The following LINGO3 variants were observed in gnomAD, a reference collection of about 807,000 sequenced individuals.
LINGO3 encodes leucine rich repeat and Ig domain containing 3.
For missense variants in LINGO3, 750 were observed against 867.7 expected (o/e 0.86, Z 1.70); for synonymous variants, 427 against 444.2 (o/e 0.96, Z 0.49).
chr19:2,303,945 T>G, the LINGO3 span, among the ~76,000 whole-genome samples: 2 of 152,208 alleles, frequency 1.3e-5, no homozygotes, highest in Non-Finnish European at 2.9e-5. Context: ...TCTCTGAGCC[T>G]CAGTTTCCTC....
At chr19:2,295,267 G>A (rs367686527), upstream of LINGO3, among the ~76,000 whole-genome samples, 7 of 152,110 alleles carry the variant, frequency 4.6e-5, no homozygotes, top group East Asian at 9.6e-4. Context: ...CACAGGCAAC[G>A]GCCAAGTCAC....
chr19:2,308,143 G>A, the LINGO3 span, among the ~76,000 whole-genome samples: 1 of 20,734 alleles, frequency 4.8e-5, no homozygotes, highest in Middle Eastern at 0.042. Context: ...GACACGAGCA[G>A]CCGCCGCCGC....
the LINGO3 span, among the ~76,000 whole-genome samples, chr19:2,298,333 C>T: frequency 2.0e-5 from 3 of 149,924 alleles, no homozygotes; most frequent in East Asian, 2.0e-4. Flanking sequence ...CCAGCTCAAG[C>T]GATCCTCCCA....
chr19:2,291,663 C>T, exon 1 of LINGO3: 1 of 1,391,238 alleles, frequency 7.2e-7, no homozygotes, highest in Non-Finnish European at 9.2e-7. Context: ...GCGTGCAGGC[C>T]ACCGCGCGGG....
the LINGO3 span, among the ~76,000 whole-genome samples, chr19:2,297,083 C>T: frequency 1.3e-5 from 2 of 151,314 alleles, no homozygotes; most frequent in South Asian, 4.2e-4. Flanking sequence ...CAGAGCGAGA[C>T]TCCGTCTCAA....
the LINGO3 span, among the ~76,000 whole-genome samples, chr19:2,297,419 T>C: frequency 9.3e-5 from 14 of 150,128 alleles, no homozygotes; most frequent in Non-Finnish European, 1.5e-4. Flanking sequence ...ATTCTCCTGC[T>C]TCAGCCTCCC....
upstream of LINGO3, among the ~76,000 whole-genome samples, chr19:2,293,087 C>T (rs145660614): frequency 0.012 from 1,411 of 121,186 alleles, 22 homozygotes; most frequent in African/African-American, 0.064. Context: ...CTTTTTGAGA[C>T]GGAGTCTTGC....
chr19:2,303,003 T>C, the LINGO3 span, among the ~76,000 whole-genome samples: 1 of 152,242 alleles, frequency 6.6e-6, no homozygotes, highest in Non-Finnish European at 1.5e-5. Context: ...GCACGGCGCA[T>C]CCACGCCCTG....
the LINGO3 span, among the ~76,000 whole-genome samples, chr19:2,297,520 G>A: frequency 2.0e-5 from 3 of 150,690 alleles, no homozygotes; most frequent in Non-Finnish European, 2.9e-5. Flanking sequence ...GGCCAGGATG[G>A]TCTCGATCTC....
At chr19:2,299,185 C>T in the LINGO3 span, among the ~76,000 whole-genome samples, 13 of 152,182 alleles carry the variant, frequency 8.5e-5, no homozygotes, top group African/African-American at 2.2e-4. Flanking sequence ...CCCCACTCGA[C>T]GGCCTGGCCC....
Position 2,291,078 on chromosome 19 carries a change from C to G in LINGO3, c.699G>C (p.Pro233=), listed in dbSNP as rs551401262. The change falls in exon 1 of 1, where the codon CCG becomes CCC. Residue 233 remains proline (P), a synonymous_variant. Transcript: ENST00000585527. ...TGCCCGCCGCCACCTCCTCCAGCAGCGGCCAGTTGTCAATCTCCAGGTGCA... is the reference window on the plus strand; with the variant it reads ...TGCCCGCCGCCACCTCCTCCAGCAGGGGCCAGTTGTCAATCTCCAGGTGCA... 36 of 1,609,926 alleles carry G rather than the reference C, an allele frequency of 2.2e-5. No homozygotes were observed. In the East Asian group the frequency reaches 7.4e-4, roughly 33 times the overall value.
the LINGO3 span, among the ~76,000 whole-genome samples, chr19:2,306,589 C>G: frequency 6.6e-6 from 1 of 152,226 alleles, no homozygotes; most frequent in Non-Finnish European, 1.5e-5. Context: ...ACCATCGTGA[C>G]CTGAGCATCT....
chr19:2,305,848 C>T, the LINGO3 span, among the ~76,000 whole-genome samples: 1 of 152,214 alleles, frequency 6.6e-6, no homozygotes, highest in African/African-American at 2.4e-5. Flanking sequence ...CCTCACAGCA[C>T]GTGGCCCTCC....
exon 1 of LINGO3, chr19:2,291,996 G>A (rs2025529772): frequency 7.1e-6 from 4 of 563,720 alleles, no homozygotes; most frequent in Non-Finnish European, 1.3e-5. Context: ...AGACCAGCCT[G>A]CACAACATAG....
upstream of LINGO3, among the ~76,000 whole-genome samples, chr19:2,293,844 G>A (rs1457635778): frequency 2.0e-5 from 3 of 151,794 alleles, no homozygotes; most frequent in African/African-American, 7.3e-5. Flanking sequence ...CCTGAGGTCA[G>A]GAGTTCGAGA....
downstream of LINGO3, among the ~76,000 whole-genome samples, chr19:2,288,245 C>T (rs2025483523): frequency 6.6e-6 from 1 of 152,196 alleles, no homozygotes. The surrounding 1 kb of genome is among the most constrained non-coding windows in gnomAD (Gnocchi z 6.5). Flanking sequence ...CCAGCTTCCT[C>T]CATCACCTTC....
upstream of LINGO3, among the ~76,000 whole-genome samples, chr19:2,293,613 G>A (rs1050478214): frequency 6.6e-6 from 1 of 151,158 alleles, no homozygotes; most frequent in African/African-American, 2.4e-5. Flanking sequence ...ACCGGCCTTG[G>A]CCTCCCAAAG....
In LINGO3 at chr19:2,291,285, G is replaced by A. The variant is rs980945967; in HGVS notation, c.492C>T (p.Phe164=). ...GCCCCGCGAAGGCGCGGCGCGAGACGAATACCAGGTCGTTGTCGCCCACTT... is the reference window on the plus strand; with the variant it reads ...GCCCCGCGAAGGCGCGGCGCGAGACAAATACCAGGTCGTTGTCGCCCACTT... The change falls in exon 1 of 1, where the codon TTC becomes TTT. Residue 164 remains phenylalanine (F), a synonymous_variant. Coordinates refer to ENST00000585527, the Ensembl canonical transcript of LINGO3. 3.7e-6 allele frequency: 6 copies of A among 1,612,588 alleles called. No individual in the cohort carries two copies. The Admixed American group carries it at 6.7e-5, about 18-fold the overall frequency.
the LINGO3 span, among the ~76,000 whole-genome samples, chr19:2,303,190 G>A: frequency 1.3e-5 from 2 of 152,174 alleles, no homozygotes; most frequent in Non-Finnish European, 2.9e-5. Flanking sequence ...GAATTGGCCC[G>A]TCTGGACATC....
Sources: allele counts gnomAD v4.1 joint callset (sites outside exome capture counted in the v4.1 genomes callset), GRCh38; gene constraint gnomAD v4.1.1; non-coding constraint Gnocchi (gnomAD v3.1); transcripts MANE v1.5; gene names NCBI Gene and HGNC (gene_info 2026-07-23, HGNC 2026-07-21).